The following RNF168 variants were observed in gnomAD, a reference collection of about 807,000 sequenced individuals.
RNF168 encodes the protein ring finger protein 168, also known as E3 ubiquitin-protein ligase RNF168.
A neutral mutation model predicts 34.9 loss-of-function variants in RNF168; 34 were observed. The observed-to-expected ratio is 0.97, with a 90% CI of 0.74 to 1.30. The LOEUF is 1.30. Ranked by LOEUF, RNF168 falls within the 50% of genes most tolerant of loss-of-function variation. The pLI, the probability that RNF168 is intolerant of heterozygous loss-of-function variation, is 0.00. For synonymous variants in RNF168, 264 were observed against 254.7 expected, an observed-to-expected ratio of 1.04 and a Z score of -0.35; for missense variants, 725 against 682.5, an observed-to-expected ratio of 1.06 and a Z score of -0.69.
intron 1 of RNF168, among the ~76,000 whole-genome samples, chr3:196,499,785 T>C (rs1037138543): frequency 2.0e-5 from 3 of 152,170 alleles, no homozygotes; most frequent in African/African-American, 7.2e-5. Context: ...AAGTTGTGGC[T>C]TTTTCTGGGT....
chr3:196,502,781 G>T (rs954676665), intron 1 of RNF168, 92 bp downstream of exon 1: 22 of 1,160,070 alleles, frequency 1.9e-5, no homozygotes, highest in Non-Finnish European at 2.4e-5. Flanking sequence ...CGGGTTTTTT[G>T]GTTTGTTTTT....
chr3:196,494,258 C>T (rs1203696767), intron 1 of RNF168, among the ~76,000 whole-genome samples: 1 of 152,190 alleles, frequency 6.6e-6, no homozygotes, highest in East Asian at 1.9e-4. Flanking sequence ...CAACTCTCGA[C>T]ACTCTTCAGT....
intron 4 of RNF168, among the ~76,000 whole-genome samples, chr3:196,477,861 A>T (rs1732184816): frequency 6.6e-6 from 1 of 152,190 alleles, no homozygotes; most frequent in Non-Finnish European, 1.5e-5. Context: ...AGGTGGGAGG[A>T]TCGTTTGAGG....
At chr3:196,496,072 A>G (rs1732737024) in intron 1 of RNF168, among the ~76,000 whole-genome samples, 1 of 152,206 alleles carries the variant, frequency 6.6e-6, no homozygotes, top group Non-Finnish European at 1.5e-5. Flanking sequence ...ACACAGAAAC[A>G]CCAATTATAT....
chr3:196,496,136 C>G (rs1415152193), intron 1 of RNF168, among the ~76,000 whole-genome samples: 1 of 152,026 alleles, frequency 6.6e-6, no homozygotes, highest in African/African-American at 2.4e-5. Flanking sequence ...TTACTTAAAA[C>G]AGTCTCAAAA....
rs1253725229 is a variant in RNF168, at chr3:196,470,950, G to A, written c.*869C>T. On this transcript the variant is annotated 3_prime_UTR_variant, in exon 6 of 6. Transcript: ENST00000318037. ...CCCAGCACTCTGGGAGGCCGAAGCA[G>A]GTGGATCACCTGAGGACAGGAGTTC... 6.6e-6 allele frequency: 1 copy of A among 152,068 alleles called. No homozygotes were observed. The highest frequency in any genetic ancestry group is 2.4e-5 in the African/African-American group (1 of 41,338). 9.4% of individuals were successfully genotyped at this position (152,068 alleles called of 1,614,324 possible). A position where few individuals can be genotyped will look rare whatever the true frequency, so the allele number is the denominator to read the frequency against.
intron 1 of RNF168, among the ~76,000 whole-genome samples, chr3:196,494,400 G>A (rs1171124125): frequency 6.6e-6 from 1 of 152,154 alleles, no homozygotes; most frequent in Non-Finnish European, 1.5e-5. Flanking sequence ...ATGTCCCCAT[G>A]CTTTTTATTT....
rs1199558208 is a variant in RNF168, at chr3:196,469,935, C to T, written c.*1884G>A. On this transcript the variant is annotated 3_prime_UTR_variant, in exon 6 of 6. Coordinates refer to ENST00000318037, the MANE Select transcript of RNF168 (RefSeq NM_152617.4). ...TTAGTAACTAATTTTGATTCTGATG[C>T]CTGATAGTAGGGTGTGAAAAGCTGT... The T allele has an allele frequency of 6.7e-6, 1 of 148,620 alleles. No homozygotes were observed. The highest frequency in any genetic ancestry group is 1.9e-4 in the East Asian group (1 of 5,198). 9.2% of individuals were successfully genotyped at this position (148,620 alleles called of 1,614,324 possible). A position where few individuals can be genotyped will look rare whatever the true frequency, so the allele number is the denominator to read the frequency against.
intron 4 of RNF168, among the ~76,000 whole-genome samples, chr3:196,483,098 CTT>C (rs1226392097): frequency 6.9e-6 from 1 of 144,308 alleles, no homozygotes. Context: ...ATTGTCACAT[CTT>C]TTTTTTTTTT....
intron 4 of RNF168, chr3:196,475,523 GAAGTAA>G: frequency 3.8e-6 from 2 of 521,470 alleles, no homozygotes; most frequent in Non-Finnish European, 6.9e-6. Flanking sequence ...AACAGAAAAG[GAAGTAA>G]AAGTCAAATC....
intron 1 of RNF168, among the ~76,000 whole-genome samples, chr3:196,491,307 C>T (rs1315702711): frequency 2.6e-5 from 4 of 151,158 alleles, no homozygotes; most frequent in Admixed American, 1.3e-4. Context: ...AGGGAGATTC[C>T]GTCTCAAAAC....
chr3:196,487,594 T>A lies in RNF168; in HGVS notation c.379-16A>T, dbSNP rs1732489058. The stretch of plus-strand genomic sequence containing the variant: ...CTGCCGCCACCTTAAAAGTGATTAA[T>A]AAAGAGCAATCCTTCTCTGAACGTT... On this transcript the variant is annotated splice_polypyrimidine_tract_variant and intron_variant, in intron 2 of 5. Transcript: ENST00000318037. The A allele has an allele frequency of 6.2e-7, 1 of 1,612,802 alleles. No homozygotes were observed. Among genetic ancestry groups the A allele is most frequent in the Non-Finnish European group, 8.5e-7 (1 of 1,178,788 alleles).
At position 196,487,370 on chromosome 3, in the gene RNF168, A is replaced by G. The variant is rs1489924967; in HGVS notation, c.558+29T>C. 2.5e-6 allele frequency: 4 copies of G among 1,591,198 alleles called. No homozygotes were observed. In the South Asian group the frequency reaches 4.4e-5, roughly 18 times the overall value. ...CAGCAGCGCATACCAAGGGATGACC[A>G]TACCTTAGCGTTCCCTCCTAAAACT... On this transcript the variant is annotated intron_variant, in intron 3 of 5. Coordinates refer to ENST00000318037, the MANE Select transcript of RNF168 (RefSeq NM_152617.4).
At chr3:196,481,379 G>A (rs1732282223) in intron 4 of RNF168, among the ~76,000 whole-genome samples, 1 of 152,000 alleles carries the variant, frequency 6.6e-6, no homozygotes, top group Non-Finnish European at 1.5e-5. Context: ...TGAGGTTGCA[G>A]TGGGCCATGA....
intron 1 of RNF168, among the ~76,000 whole-genome samples, chr3:196,498,266 T>TC: frequency 6.6e-6 from 1 of 152,074 alleles, no homozygotes; most frequent in East Asian, 1.9e-4. Context: ...CAAGCAATTC[T>TC]CTGCCTCAGC....
In RNF168 at chr3:196,502,930, T is replaced by C. The variant is rs144369619; in HGVS notation, c.244A>G (p.Lys82Glu). Residue 82 changes from lysine to glutamate, a missense_variant, in exon 1 of 6, where the codon AAA becomes GAA. By Grantham distance (56) the Lys-to-Glu change is moderately conservative. Transcript: ENST00000318037. Reference sequence around the variant, plus strand: ...AGCTTGCACTCCCTGGGATAGTGTTTTTGAATTATCGTCCACAGTTCCACG... The same window carrying C: ...AGCTTGCACTCCCTGGGATAGTGTTCTTGAATTATCGTCCACAGTTCCACG... ...VNVELWTIIQ[K>E]HYPRECKLRA... 143 of 1,614,036 alleles carry C rather than the reference T, an allele frequency of 8.9e-5. No homozygotes were observed. Among genetic ancestry groups the C allele is most frequent in the Non-Finnish European group, 1.2e-4 (137 of 1,180,012 alleles).
Position 196,483,839 on chromosome 3 carries a change from G to C in RNF168, c.611C>G (p.Ser204Cys). The C allele has an allele frequency of 1.2e-6, 2 of 1,608,776 alleles. No individual in the cohort carries two copies. The highest frequency in any genetic ancestry group is 2.2e-5 in the South Asian group (2 of 90,988). Residue 204 changes from serine to cysteine, a missense_variant, in exon 4 of 6, where the codon TCT (serine) becomes TGT (cysteine). Coordinates refer to ENST00000318037, the MANE Select transcript of RNF168 (RefSeq NM_152617.4). ...TTCAGACTTGGGTGTAACTGGATCA[G>C]ATTTTCTGGAATTCAAGGGAGAAGC... is the stretch of plus-strand genomic sequence containing the variant. ...ISASPLNSRK[S>C]DPVTPKSEKK...
intron 1 of RNF168, among the ~76,000 whole-genome samples, chr3:196,499,871 G>A (rs1432900694): frequency 6.6e-6 from 1 of 152,152 alleles, no homozygotes; most frequent in Non-Finnish European, 1.5e-5. Flanking sequence ...TTCCGAAGAT[G>A]ATATACAAAT....
chr3:196,495,976 C>CT (rs1278660409), intron 1 of RNF168, among the ~76,000 whole-genome samples: 8 of 152,150 alleles, frequency 5.3e-5, no homozygotes, highest in African/African-American at 1.9e-4. Flanking sequence ...CTCATATGTG[C>CT]TTTCTTACAA....
Sources: allele counts gnomAD v4.1 joint callset (sites outside exome capture counted in the v4.1 genomes callset), GRCh38; gene constraint gnomAD v4.1.1; transcripts MANE v1.5; gene names NCBI Gene and HGNC (gene_info 2026-07-23, HGNC 2026-07-21).